The following NXN variants were observed in gnomAD, a reference collection of about 807,000 sequenced individuals.
The protein encoded by NXN is nucleoredoxin.
In NXN, 16 loss-of-function variants were observed where a neutral mutation model predicts 48.6. That is an observed-to-expected ratio of 0.33 (90% CI 0.22 to 0.50). The LOEUF is 0.50. NXN is among the 20% of genes least tolerant of loss of function. NXN has a pLI of 0.98. For synonymous variants in NXN, 281 were observed against 269.6 expected (o/e 1.04, Z -0.41); for missense variants, 492 against 605.5 (o/e 0.81, Z 1.97).
intron 1 of NXN, among the ~76,000 whole-genome samples, chr17:936,071 A>T (rs1278828594): frequency 6.9e-6 from 1 of 145,746 alleles, no homozygotes; most frequent in Non-Finnish European, 1.5e-5. Flanking sequence ...CAGCCTGGGC[A>T]ACAGGGCAAG....
intron 1 of NXN, among the ~76,000 whole-genome samples, chr17:955,128 G>T (rs1483777542): frequency 6.6e-6 from 1 of 150,558 alleles, no homozygotes; most frequent in Non-Finnish European, 1.5e-5. Context: ...TGGGCCTGTG[G>T]TATTTCCCTC....
At chr17:880,845 TAAGTAA>T (rs2068276211) in intron 1 of NXN, among the ~76,000 whole-genome samples, 2 of 152,040 alleles carry the variant, frequency 1.3e-5, no homozygotes, top group African/African-American at 4.8e-5. Context: ...AAGCAGACAC[TAAGTAA>T]TGCAGTTGGT....
intron 7 of NXN, among the ~76,000 whole-genome samples, chr17:803,098 G>A (rs1911293413): frequency 6.6e-6 from 1 of 152,202 alleles, no homozygotes. Flanking sequence ...CTGGGTACCT[G>A]CGGGAGGGCG....
intron 1 of NXN, among the ~76,000 whole-genome samples, chr17:923,707 C>CA (rs2068770221): frequency 6.6e-6 from 1 of 152,170 alleles, no homozygotes; most frequent in Non-Finnish European, 1.5e-5. Flanking sequence ...AAACAGACAT[C>CA]AAATATCCCC....
chr17:947,046 C>T (rs545341473), intron 1 of NXN, among the ~76,000 whole-genome samples: 3 of 152,296 alleles, frequency 2.0e-5, no homozygotes, highest in South Asian at 2.1e-4. Flanking sequence ...AGACGATACA[C>T]GCCAGCACTC....
Position 805,054 on chromosome 17 carries a change from C to A in NXN, c.1000+14G>T, listed in dbSNP as rs538837668. 5 of 1,560,754 alleles carry A rather than the reference C, an allele frequency of 3.2e-6. No individual in the cohort carries two copies. The highest frequency in any genetic ancestry group is 2.4e-5 in the East Asian group (1 of 41,888). On this transcript the variant is annotated intron_variant, in intron 6 of 7. Transcript: ENST00000336868. The stretch of plus-strand genomic sequence containing the variant: ...CCAGCCACCCCTCGCCCCCTGCCCC[C>A]GTGAGCTTCATACCTACAAAAAGGA...
intron 1 of NXN, among the ~76,000 whole-genome samples, chr17:953,348 G>A (rs917033262): frequency 2.0e-5 from 3 of 152,098 alleles, no homozygotes; most frequent in African/African-American, 7.2e-5. Context: ...CCAGGAGGCG[G>A]AGGTTGCAGT....
At position 973,483 on chromosome 17, in the gene NXN, G is replaced by A. The variant is rs1482566112; in HGVS notation, c.360+5836C>T. Among the ~76,000 whole-genome samples, 7 of 152,198 alleles carry A rather than the reference G, an allele frequency of 4.6e-5. No individual in the cohort carries two copies. In the East Asian group the frequency reaches 1.3e-3, roughly 29 times the overall value. On this transcript the variant is annotated intron_variant, in intron 1 of 7. Transcript: ENST00000336868. ...TCATCTTTAAGTTACAAGGGTGACT[G>A]AAAGGGTAACTTAATAGTAACTTAA...
chr17:887,281 G>C (rs1264595039), intron 1 of NXN, among the ~76,000 whole-genome samples: 1 of 152,116 alleles, frequency 6.6e-6, no homozygotes, highest in Non-Finnish European at 1.5e-5. Flanking sequence ...CCTCTCCCAG[G>C]CAAGTGGCCA....
chr17:819,349 CTCT>C (rs761861338), intron 5 of NXN, 87 bp downstream of exon 5: 11 of 854,042 alleles, frequency 1.3e-5, no homozygotes, highest in East Asian at 5.0e-5. Context: ...AATAATGATG[CTCT>C]TCTTCTTAAA....
intron 1 of NXN, among the ~76,000 whole-genome samples, chr17:928,793 G>A (rs1005824805): frequency 1.3e-5 from 2 of 152,140 alleles, no homozygotes; most frequent in African/African-American, 2.4e-5. Flanking sequence ...CCGAGATCAT[G>A]CCACTGCGCT....
intron 1 of NXN, among the ~76,000 whole-genome samples, chr17:872,239 G>C (rs530305300): frequency 6.6e-6 from 1 of 150,452 alleles, no homozygotes; most frequent in Non-Finnish European, 1.5e-5. Context: ...AGAGAGAGAC[G>C]GAGGGAGGGA....
At chr17:834,020 T>TA (rs934835665) in intron 1 of NXN, among the ~76,000 whole-genome samples, 4 of 152,184 alleles carry the variant, frequency 2.6e-5, no homozygotes, top group African/African-American at 9.6e-5. Context: ...CTGTCCTTTT[T>TA]AAAAAAGCAT....
At chr17:896,758 C>T in intron 1 of NXN, 9 of 749,178 alleles carry the variant, frequency 1.2e-5, no homozygotes, top group Non-Finnish European at 1.5e-5. Flanking sequence ...GGTAATAGAA[C>T]CTTCTCCTCG....
chr17:802,127 CT>C (rs902379182), intron 7 of NXN, among the ~76,000 whole-genome samples: 40 of 147,502 alleles, frequency 2.7e-4, no homozygotes, highest in Admixed American at 4.7e-4. Context: ...AAGGGAGCTA[CT>C]TTTTTTTTTT....
At chr17:903,287 C>A (rs1174025869) in intron 1 of NXN, among the ~76,000 whole-genome samples, 1 of 152,110 alleles carries the variant, frequency 6.6e-6, no homozygotes, top group Non-Finnish European at 1.5e-5. Flanking sequence ...CTCACTGCAA[C>A]CTCCTCTTCC....
At chr17:930,682 G>T (rs11870473) in intron 1 of NXN, among the ~76,000 whole-genome samples, 41,831 of 151,812 alleles carry the variant, frequency 0.28, 6,807 homozygotes, top group East Asian at 0.43. Flanking sequence ...AGGATAAGGA[G>T]TAAAGGCATA....
At position 958,142 on chromosome 17, in the gene NXN, T is replaced by C. The variant is rs1471199888; in HGVS notation, c.360+21177A>G. On this transcript the variant is annotated intron_variant, in intron 1 of 7. Transcript: ENST00000336868. The surrounding 1 kb of genome is among the most constrained non-coding windows in gnomAD (Gnocchi z 6.9). ...TATTTATATCTGGAATATCTCTCTG[T>C]CTTAATCCACTGGACTACCCTCCCC... is the stretch of plus-strand genomic sequence containing the variant. Among the ~76,000 whole-genome samples, 2 of 152,106 alleles carry C rather than the reference T, an allele frequency of 1.3e-5. No homozygotes were observed. Among genetic ancestry groups the C allele is most frequent in the African/African-American group, 2.4e-5 (1 of 41,422 alleles).
chr17:863,030 A>G (rs1489433487), intron 1 of NXN, among the ~76,000 whole-genome samples: 1 of 152,206 alleles, frequency 6.6e-6, no homozygotes, highest in East Asian at 1.9e-4. Flanking sequence ...GCCCCACAGT[A>G]TACTCAGGGG....
Sources: allele counts gnomAD v4.1 joint callset (sites outside exome capture counted in the v4.1 genomes callset), GRCh38; gene constraint gnomAD v4.1.1; non-coding constraint Gnocchi (gnomAD v3.1); transcripts MANE v1.5; gene names NCBI Gene and HGNC (gene_info 2026-07-23, HGNC 2026-07-21).